Variants in COL25A1 observed in about 807,000 individuals in gnomAD.
COL25A1 encodes the protein collagen alpha-1(XXV) chain.
Under a neutral mutation model 128.4 loss-of-function variants are expected in COL25A1, and 103 were observed. The observed-to-expected ratio is 0.80, with a 90% CI of 0.68 to 0.94. The LOEUF (loss-of-function observed/expected upper bound fraction) is 0.94, where lower values mean the gene tolerates loss of function less well. Among genes scored for constraint, COL25A1 ranks in the 40% least tolerant of loss-of-function variants. COL25A1 has a pLI of 0.00. For synonymous variants in COL25A1, 279 were observed against 277.2 expected, an observed-to-expected ratio of 1.01 and a Z score of -0.06; for missense variants, 745 against 840.0, an observed-to-expected ratio of 0.89 and a Z score of 1.40.
intron 2 of COL25A1, 147 bp from the exon 3 acceptor site, chr4:109,300,799 A>T: frequency 5.1e-6 from 3 of 591,366 alleles, no homozygotes; most frequent in Non-Finnish European, 9.0e-6. Context: ...CTAGTCAAGA[A>T]AGTAACCATG....
chr4:109,079,654 A>G (rs1357003618), intron 3 of COL25A1, among the ~76,000 whole-genome samples: 1 of 152,122 alleles, frequency 6.6e-6, no homozygotes, highest in African/African-American at 2.4e-5. Context: ...GCAGCTGAGA[A>G]AATTGAATCT....
intron 15 of COL25A1, among the ~76,000 whole-genome samples, chr4:108,898,377 T>C (rs1057244150): frequency 6.6e-6 from 1 of 152,194 alleles, no homozygotes; most frequent in Non-Finnish European, 1.5e-5. Context: ...TACTGATTTG[T>C]CAGAAAGACC....
At chr4:109,230,841 G>A (rs1382954661) in intron 3 of COL25A1, among the ~76,000 whole-genome samples, 2 of 152,138 alleles carry the variant, frequency 1.3e-5, no homozygotes, top group African/African-American at 4.8e-5. Context: ...GTTGATTAGA[G>A]GTAAAAAATA....
intron 11 of COL25A1, among the ~76,000 whole-genome samples, chr4:108,936,127 A>G (rs1020442188): frequency 1.3e-5 from 2 of 152,176 alleles, no homozygotes; most frequent in African/African-American, 2.4e-5. Context: ...AGAATTCTTC[A>G]TACTCTATAA....
intron 8 of COL25A1, among the ~76,000 whole-genome samples, chr4:108,968,158 T>C (rs886211911): frequency 6.6e-6 from 1 of 152,204 alleles, no homozygotes; most frequent in Non-Finnish European, 1.5e-5. Context: ...CCTCGTAGAA[T>C]AAAACCAAAT....
chr4:109,141,953 T>C (rs993670368), intron 3 of COL25A1, among the ~76,000 whole-genome samples: 6 of 152,302 alleles, frequency 3.9e-5, no homozygotes, highest in African/African-American at 1.2e-4. Context: ...CTTAGTTATT[T>C]CTTGTCTTCT....
At chr4:109,180,659 T>C (rs1414041928) in intron 3 of COL25A1, among the ~76,000 whole-genome samples, 1 of 152,052 alleles carries the variant, frequency 6.6e-6, no homozygotes, top group Non-Finnish European at 1.5e-5. Flanking sequence ...AAAATTTATA[T>C]TAAGATTTAT....
intron 3 of COL25A1, among the ~76,000 whole-genome samples, chr4:109,129,008 T>C (rs1579455840): frequency 6.6e-6 from 1 of 152,320 alleles, no homozygotes; most frequent in African/African-American, 2.4e-5. Flanking sequence ...ATTCAACGTG[T>C]CTAAGGAGAG....
At chr4:109,130,995 T>A (rs986633388) in intron 3 of COL25A1, among the ~76,000 whole-genome samples, 6 of 152,210 alleles carry the variant, frequency 3.9e-5, no homozygotes. Context: ...CCATCATTAC[T>A]TAATATCTCA....
At chr4:109,121,016 T>A (rs984451979) in intron 3 of COL25A1, among the ~76,000 whole-genome samples, 1 of 152,008 alleles carries the variant, frequency 6.6e-6, no homozygotes, top group African/African-American at 2.4e-5. Flanking sequence ...TATCAAGACA[T>A]CAATTTTTCC....
intron 5 of COL25A1, among the ~76,000 whole-genome samples, chr4:109,010,725 G>A (rs555369715): frequency 6.6e-6 from 1 of 152,276 alleles, no homozygotes; most frequent in East Asian, 1.9e-4. Flanking sequence ...TGCAGCATAG[G>A]CTGTGAGCCC....
chr4:108,984,088 G>A (rs964340565), intron 6 of COL25A1, among the ~76,000 whole-genome samples: 4 of 152,050 alleles, frequency 2.6e-5, no homozygotes, highest in African/African-American at 4.8e-5. Flanking sequence ...CTCCAAGGCC[G>A]CACCAGATTA....
At chr4:108,888,217 T>TA (rs1047005627) in intron 18 of COL25A1, among the ~76,000 whole-genome samples, 1 of 152,128 alleles carries the variant, frequency 6.6e-6, no homozygotes. Flanking sequence ...CCTAAGTGTT[T>TA]AAAATGAAGC....
intron 6 of COL25A1, among the ~76,000 whole-genome samples, chr4:108,995,516 G>A (rs554685514): frequency 2.0e-5 from 3 of 152,322 alleles, no homozygotes; most frequent in African/African-American, 7.2e-5. Flanking sequence ...AAGTGACGGG[G>A]AGAATGGAAC....
At chr4:109,118,412 T>C (rs775886385) in intron 3 of COL25A1, among the ~76,000 whole-genome samples, 2 of 151,958 alleles carry the variant, frequency 1.3e-5, no homozygotes, top group Non-Finnish European at 2.9e-5. Context: ...TTAATTACCC[T>C]GATTTACTCT....
chr4:108,947,977 T>C (rs1465199651), intron 8 of COL25A1, among the ~76,000 whole-genome samples: 2 of 152,222 alleles, frequency 1.3e-5, no homozygotes, highest in Non-Finnish European at 2.9e-5. Context: ...AATACTATCA[T>C]GATTCTGTTT....
chr4:109,194,934 A>T (rs1255284699), intron 3 of COL25A1, among the ~76,000 whole-genome samples: 1 of 152,212 alleles, frequency 6.6e-6, no homozygotes, highest in African/African-American at 2.4e-5. Context: ...GCTATAGTCA[A>T]TAATAACAAC....
intron 16 of COL25A1, among the ~76,000 whole-genome samples, chr4:108,895,776 A>G (rs1048014090): frequency 2.6e-5 from 4 of 151,830 alleles, no homozygotes; most frequent in African/African-American, 4.8e-5. Flanking sequence ...TGGTTAATGG[A>G]TAAGTTCTTT....
chr4:109,139,719 A>T (rs1321096157), intron 3 of COL25A1, among the ~76,000 whole-genome samples: 1 of 151,916 alleles, frequency 6.6e-6, no homozygotes, highest in African/African-American at 2.4e-5. Flanking sequence ...CATGTGCACA[A>T]TGTGTAGGTT....
Sources: allele counts gnomAD v4.1 joint callset (sites outside exome capture counted in the v4.1 genomes callset), GRCh38; gene constraint gnomAD v4.1.1; transcripts MANE v1.5; gene names NCBI Gene and HGNC (gene_info 2026-07-23, HGNC 2026-07-21).